Variants in PGBD2 observed in about 807,000 individuals in gnomAD.
PGBD2 encodes piggyBac transposable element-derived protein 2.
In PGBD2, 6 loss-of-function variants were observed where a neutral mutation model predicts 8.1. That is an observed-to-expected ratio of 0.74 (90% confidence interval 0.40 to 1.46). The LOEUF (loss-of-function observed/expected upper bound fraction) is 1.46. Ranked by LOEUF, PGBD2 falls within the 40% of genes most tolerant of loss-of-function variation. PGBD2 has a pLI of 0.02. For missense variants in PGBD2, 802 were observed against 739.0 expected, an observed-to-expected ratio of 1.09 and a Z score of -0.99; for synonymous variants, 318 against 272.2, an observed-to-expected ratio of 1.17 and a Z score of -1.66.
chr1:248,903,330 C>T (rs1318008526), upstream of PGBD2, among the ~76,000 whole-genome samples: 2 of 151,900 alleles, frequency 1.3e-5, no homozygotes. Flanking sequence ...TCCTGAGTAT[C>T]TGGGGCTACA....
chr1:248,916,804 G>A lies in PGBD2; in HGVS notation c.220G>A (p.Val74Met), dbSNP rs749847882. Reference protein sequence around the residue: ...SQRGAHLPGSVLHASVLCEDS... With the variant: ...SQRGAHLPGSMLHASVLCEDS... ...GCGAGGTGCTCACCTACCTGGCAGT[G>A]TGCTGCATGCTTCAGTCCTGTGTGA... The change falls in exon 3 of 3, where the codon GTG becomes ATG. Residue 74 changes from valine (V) to methionine (M), a missense_variant. By Grantham distance (21) the Val-to-Met change is conservative. Transcript: ENST00000329291. 1.2e-6 allele frequency: 2 copies of A among 1,614,188 alleles called. No homozygotes were observed. Among genetic ancestry groups the A allele is most frequent in the Admixed American group, 3.3e-5 (2 of 60,028 alleles).
At chr1:248,896,262 C>T in the PGBD2 span, among the ~76,000 whole-genome samples, 1 of 152,058 alleles carries the variant, frequency 6.6e-6, no homozygotes, top group Non-Finnish European at 1.5e-5. Flanking sequence ...GGAATTACAA[C>T]ACTGGCTTTC....
intron 2 of PGBD2, 90 bp downstream of exon 2, chr1:248,913,969 GC>G: frequency 9.1e-7 from 1 of 1,100,302 alleles, no homozygotes; most frequent in Non-Finnish European, 1.4e-6. Flanking sequence ...TTAGCTCTTG[GC>G]CTCAGTATAA....
the PGBD2 span, among the ~76,000 whole-genome samples, chr1:248,876,831 A>C: frequency 6.6e-6 from 1 of 152,114 alleles, no homozygotes; most frequent in African/African-American, 2.4e-5. Flanking sequence ...AAACAACTTG[A>C]TTTTGTTCAT....
At chr1:248,876,240 T>C in the PGBD2 span, among the ~76,000 whole-genome samples, 1 of 152,180 alleles carries the variant, frequency 6.6e-6, no homozygotes, top group Non-Finnish European at 1.5e-5. Context: ...ACTCCCAACC[T>C]CAGGTGATCT....
downstream of PGBD2, among the ~76,000 whole-genome samples, chr1:248,924,367 C>T (rs975207402): frequency 1.3e-5 from 2 of 152,070 alleles, no homozygotes; most frequent in Non-Finnish European, 2.9e-5. Context: ...GGATAAAAGT[C>T]ATTTTTTAAT....
the PGBD2 span, among the ~76,000 whole-genome samples, chr1:248,927,250 G>C: frequency 4.6e-5 from 7 of 152,186 alleles, no homozygotes; most frequent in Admixed American, 1.3e-4. Flanking sequence ...CAGAGGGAGA[G>C]CATGAGAATG....
chr1:248,891,061 C>T, the PGBD2 span, among the ~76,000 whole-genome samples: 8 of 152,290 alleles, frequency 5.3e-5, no homozygotes, highest in East Asian at 1.3e-3. Context: ...AAATCACTCA[C>T]GCACTGACGC....
At chr1:248,903,833 T>G (rs1661575151), upstream of PGBD2, among the ~76,000 whole-genome samples, 1 of 152,230 alleles carries the variant, frequency 6.6e-6, no homozygotes, top group African/African-American at 2.4e-5. Flanking sequence ...TAGGCTGTGA[T>G]ACTGCTATGG....
chr1:248,924,984 C>A, the PGBD2 span, among the ~76,000 whole-genome samples: 1 of 151,934 alleles, frequency 6.6e-6, no homozygotes, highest in Non-Finnish European at 1.5e-5. Flanking sequence ...ACATTATCTC[C>A]AGAGGGGATT....
In PGBD2 at chr1:248,918,932, G is replaced by T. The variant is rs979319890; in HGVS notation, c.*569G>T. On this transcript the variant is annotated 3_prime_UTR_variant, in exon 3 of 3. Transcript: ENST00000329291. ...ATATATCAATGTGAGATTCATTTTT[G>T]TAAAAAAAATTATTTTTTTAATTTT... The T allele has an allele frequency of 1.8e-5, 3 of 166,828 alleles. No individual in the cohort carries two copies. The highest frequency in any genetic ancestry group is 2.9e-5 in the Non-Finnish European group (2 of 68,056). The allele number at this position is 166,828 out of a possible 1,614,324, so 10.3% of individuals were successfully genotyped here.
At chr1:248,908,035 G>A (rs369536437) in intron 1 of PGBD2, among the ~76,000 whole-genome samples, 53 of 152,202 alleles carry the variant, frequency 3.5e-4, no homozygotes, top group African/African-American at 1.2e-3. Flanking sequence ...TGTACGGTTC[G>A]TCTGGATTTC....
At chr1:248,911,410 G>C (rs1661868289) in intron 1 of PGBD2, among the ~76,000 whole-genome samples, 1 of 150,238 alleles carries the variant, frequency 6.7e-6, no homozygotes, top group Non-Finnish European at 1.5e-5. Context: ...CACAGCACAT[G>C]TTTCAGAGAG....
At chr1:248,914,362 C>CCCTTACT in intron 2 of PGBD2, 1 of 971,538 alleles carries the variant, frequency 1.0e-6, no homozygotes, top group Non-Finnish European at 1.2e-6. Context: ...GCTGCTGTAC[C>CCCTTACT]CCTTACTCCA....
the PGBD2 span, among the ~76,000 whole-genome samples, chr1:248,894,744 C>T: frequency 7.1e-6 from 1 of 141,820 alleles, no homozygotes; most frequent in African/African-American, 2.5e-5. Flanking sequence ...CTTTCCTTTC[C>T]TTCCTTCCCC....
chr1:248,919,789 G>A (rs926070049), downstream of PGBD2: 10 of 166,776 alleles, frequency 6.0e-5, no homozygotes, highest in African/African-American at 9.7e-5. Flanking sequence ...ATTTCTGCCC[G>A]GATGAGATAT....
the PGBD2 span, among the ~76,000 whole-genome samples, chr1:248,926,630 A>G: frequency 2.0e-5 from 3 of 152,212 alleles, no homozygotes; most frequent in African/African-American, 7.2e-5. Context: ...TACTCACTAA[A>G]CACAAACCAC....
At position 248,914,685 on chromosome 1, in the gene PGBD2, C is replaced by T. The variant is rs534845334; in HGVS notation, c.17+806C>T. 7.9e-6 allele frequency: 8 copies of T among 1,011,466 alleles called. No individual in the cohort carries two copies. In the East Asian group the frequency reaches 3.7e-4, roughly 46 times the overall value. The allele number at this position is 1,011,466 out of a possible 1,614,324, so 62.7% of individuals were successfully genotyped here. A position where few individuals can be genotyped will look rare whatever the true frequency, so the allele number is the denominator to read the frequency against. ...TGCAGGGACCTCTGTGCCTACCCTC[C>T]ATGCTGAGTCCATTCTCATAGCCAG... On this transcript the variant is annotated intron_variant, in intron 2 of 2. Coordinates refer to ENST00000329291, the MANE Select transcript of PGBD2 (RefSeq NM_170725.3).
At chr1:248,873,157 A>C in the PGBD2 span, among the ~76,000 whole-genome samples, 1 of 151,682 alleles carries the variant, frequency 6.6e-6, no homozygotes, top group Non-Finnish European at 1.5e-5. Context: ...ATCTGGGCTC[A>C]CAGGTAACCT....
Sources: allele counts gnomAD v4.1 joint callset (sites outside exome capture counted in the v4.1 genomes callset), GRCh38; gene constraint gnomAD v4.1.1; transcripts MANE v1.5; gene names NCBI Gene and HGNC (gene_info 2026-07-23, HGNC 2026-07-21).